KCNJ10: variants seen among roughly 807,000 people sequenced by gnomAD.
The protein encoded by KCNJ10 is ATP-sensitive inward rectifier potassium channel 10.
KCNJ10 carries 9 observed loss-of-function variants against 22.2 expected under a neutral mutation model. The ratio of observed to expected loss-of-function variants is 0.40; its 90% CI spans 0.24 to 0.71. The LOEUF is 0.71. KCNJ10 is among the 30% of genes least tolerant of loss of function. The probability of loss-of-function intolerance (pLI) is 0.35; values close to 1 mark genes in which losing one functional copy is unlikely to be tolerated. For synonymous variants in KCNJ10, 184 were observed against 187.3 expected (o/e 0.98, Z 0.15); for missense variants, 337 against 482.7 (o/e 0.70, Z 2.83).
chr1:160,057,887 G>A (rs1337022195), intron 1 of KCNJ10, among the ~76,000 whole-genome samples: 1 of 152,084 alleles, frequency 6.6e-6, no homozygotes, highest in African/African-American at 2.4e-5. Context: ...GGAAATGAGG[G>A]GAGGCTTGGA....
chr1:160,054,414 C>G (rs1193713648), intron 1 of KCNJ10, among the ~76,000 whole-genome samples: 1 of 152,224 alleles, frequency 6.6e-6, no homozygotes, highest in African/African-American at 2.4e-5. Context: ...AGAAGAACAT[C>G]TACTGGGAGA....
intron 1 of KCNJ10, among the ~76,000 whole-genome samples, chr1:160,053,712 T>A (rs569600977): frequency 1.9e-4 from 29 of 152,068 alleles, no homozygotes; most frequent in East Asian, 5.8e-4. Flanking sequence ...TTCCCTCCCA[T>A]CCTCTAGCCC....
chr1:160,066,258 G>A (rs1348006824), intron 1 of KCNJ10, among the ~76,000 whole-genome samples: 1 of 152,206 alleles, frequency 6.6e-6, no homozygotes, highest in African/African-American at 2.4e-5. Context: ...CAGGGGCTGT[G>A]GGTGTGGAGA....
intron 1 of KCNJ10, among the ~76,000 whole-genome samples, chr1:160,049,720 T>TATATATATAA (rs1201390198): frequency 1.4e-4 from 17 of 122,914 alleles, no homozygotes; most frequent in African/African-American, 5.5e-4. Flanking sequence ...TATATATATA[T>TATATATATAA]GTTATCCTAA....
At chr1:160,055,719 C>T (rs1467057462) in intron 1 of KCNJ10, among the ~76,000 whole-genome samples, 2 of 152,134 alleles carry the variant, frequency 1.3e-5, no homozygotes, top group Non-Finnish European at 1.5e-5. Flanking sequence ...ACCATGTTCT[C>T]GGGGTTCTTT....
Position 160,041,948 on chromosome 1 carries a change from G to T in KCNJ10, c.585C>A (p.Cys195Ter), listed in dbSNP as rs1484203998. 6.2e-7 allele frequency: 1 copy of T among 1,610,504 alleles called. No homozygotes were observed. Among genetic ancestry groups the T allele is most frequent in the Non-Finnish European group, 8.5e-7 (1 of 1,177,516 alleles). Residue 195 changes from cysteine to a stop codon, truncating the protein, a stop_gained, in exon 2 of 2, where the codon TGC becomes TGA. Coordinates refer to ENST00000644903, the MANE Select transcript of KCNJ10 (RefSeq NM_002241.5). LOFTEE classifies it high-confidence loss of function. This position sits in a 1 kb window ranked among gnomAD's most constrained non-coding sequence, Gnocchi z 4.4. ...GCATATTGGCAACTCGGATCATGAGGCAGGGCTTGCCATTGTGGGAGGCCA... is the reference window on the plus strand; with the variant it reads ...GCATATTGGCAACTCGGATCATGAGTCAGGGCTTGCCATTGTGGGAGGCCA... Reference protein sequence around the residue: ...AVVASHNGKPCLMIRVANMRK... With the variant: ...AVVASHNGKP
chr1:160,064,118 G>A (rs1014999553), intron 1 of KCNJ10, among the ~76,000 whole-genome samples: 1 of 152,204 alleles, frequency 6.6e-6, no homozygotes, highest in African/African-American at 2.4e-5. Context: ...GGAAATCAAC[G>A]AGGATATTCA....
At chr1:160,046,145 T>C (rs577612478) in intron 1 of KCNJ10, among the ~76,000 whole-genome samples, 7 of 152,310 alleles carry the variant, frequency 4.6e-5, no homozygotes, top group African/African-American at 1.7e-4. Context: ...GTCCTAGCTT[T>C]GTTTATGTTG....
At chr1:160,059,088 A>G (rs915584980) in intron 1 of KCNJ10, among the ~76,000 whole-genome samples, 1 of 152,200 alleles carries the variant, frequency 6.6e-6, no homozygotes, top group Non-Finnish European at 1.5e-5. Flanking sequence ...CTAGGGGGGC[A>G]ATAGCATTGC....
At position 160,042,519 on chromosome 1, in the gene KCNJ10, G is replaced by A; in HGVS notation, c.14C>T (p.Ala5Val). 6.2e-7 allele frequency: 1 copy of A among 1,613,988 alleles called. No individual in the cohort carries two copies. The highest frequency in any genetic ancestry group is 2.2e-5 in the East Asian group (1 of 44,890). ...AGTGGTCTGACTGTAATACACCTTG[G>A]CAACTGACGTCATCTGGAGGGAGCA... Reference protein sequence around the residue: MTSVAKVYYSQTTQT... With the variant: MTSVVKVYYSQTTQT... Residue 5 changes from alanine (A) to valine (V), a missense_variant, in exon 2 of 2, where the codon GCC becomes GTC. By Grantham distance (64) the Ala-to-Val change is moderately conservative. Coordinates refer to ENST00000644903, the MANE Select transcript of KCNJ10 (RefSeq NM_002241.5).
intron 1 of KCNJ10, among the ~76,000 whole-genome samples, chr1:160,066,371 G>GA (rs1386603358): frequency 2.6e-5 from 4 of 151,950 alleles, no homozygotes; most frequent in African/African-American, 2.4e-5. Context: ...AGGGTGGGAA[G>GA]AAAAAACCTA....
In KCNJ10 at chr1:160,042,147, A is replaced by G; in HGVS notation, c.386T>C (p.Ile129Thr). The G allele has an allele frequency of 6.3e-7, 1 of 1,584,640 alleles. No individual in the cohort carries two copies. Among genetic ancestry groups the G allele is most frequent in the Non-Finnish European group, 8.6e-7 (1 of 1,163,352 alleles). ...ACTGATGTAGCGGAAGCCATAGCCA[A>G]TGGTGGTTTGGGATTCAAGGGAGAA... ...FLFSLESQTT[I>T]GYGFRYISEE... The change falls in exon 2 of 2, where the codon ATT becomes ACT. Residue 129 changes from isoleucine to threonine, a missense_variant. Around this residue, in one of 3 missense-constraint regions of KCNJ10, gnomAD observed 165 missense variants for 281.5 expected, o/e 0.59. Coordinates refer to ENST00000644903, the MANE Select transcript of KCNJ10 (RefSeq NM_002241.5).
In KCNJ10 at chr1:160,042,197, C is replaced by A; in HGVS notation, c.336G>T (p.Val112=). 1.9e-6 allele frequency: 3 copies of A among 1,611,796 alleles called. No individual in the cohort carries two copies. Among genetic ancestry groups the A allele is most frequent in the Non-Finnish European group, 2.5e-6 (3 of 1,178,504 alleles). The stretch of plus-strand genomic sequence containing the variant: ...AGAGGAAGGCTCCAGTGAGTGTGTG[C>A]ACCTGTACCACACAGGGGGTGTGGT... The part of the protein sequence containing the change: ...PANHTPCVVQ[V]HTLTGAFLFS... Residue 112 remains valine, a synonymous_variant, in exon 2 of 2, where the codon GTG becomes GTT. Coordinates refer to ENST00000644903, the MANE Select transcript of KCNJ10 (RefSeq NM_002241.5).
intron 1 of KCNJ10, among the ~76,000 whole-genome samples, chr1:160,050,185 G>A (rs1648866930): frequency 6.6e-6 from 1 of 152,110 alleles, no homozygotes; most frequent in African/African-American, 2.4e-5. Context: ...CCAGGCTGGA[G>A]TGCAGTGGTG....
intron 1 of KCNJ10, among the ~76,000 whole-genome samples, chr1:160,061,355 C>T (rs143920905): frequency 2.0e-5 from 3 of 152,148 alleles, no homozygotes; most frequent in Non-Finnish European, 4.4e-5. Context: ...CCAGGAAGGG[C>T]TAGGAAATAT....
intron 1 of KCNJ10, among the ~76,000 whole-genome samples, chr1:160,045,073 A>C (rs1648711482): frequency 6.6e-6 from 1 of 152,256 alleles, no homozygotes; most frequent in Non-Finnish European, 1.5e-5. Flanking sequence ...AAATCGAAGA[A>C]GTGCAACAGA....
rs373945369 is a variant in KCNJ10, at chr1:160,047,109, C to CT, written c.1-4578dup. ...CCCCGGAAGTTCTTCCTGAAGCTGT[C>CT]TTTTTTTGCCTGTGCACTCATTTAT... On this transcript the variant is annotated intron_variant, in intron 1 of 1. Transcript: ENST00000644903. Among the ~76,000 whole-genome samples, 275 of 152,266 alleles carry CT rather than the reference C, an allele frequency of 1.8e-3. 3 individuals are homozygous for CT. Among genetic ancestry groups the CT allele is most frequent in the African/African-American group, 5.6e-3 (233 of 41,550 alleles).
intron 1 of KCNJ10, among the ~76,000 whole-genome samples, chr1:160,060,460 C>G (rs1377363735): frequency 3.9e-5 from 6 of 151,958 alleles, no homozygotes; most frequent in African/African-American, 1.5e-4. Context: ...AATCCAGTAG[C>G]CAGAGGGGAA....
chr1:160,062,666 GC>G (rs1477809617), intron 1 of KCNJ10: 3 of 152,214 alleles, frequency 2.0e-5, no homozygotes. Context: ...GGGATGCCAA[GC>G]CCCTTGGTCC....
Sources: allele counts gnomAD v4.1 joint callset (sites outside exome capture counted in the v4.1 genomes callset), GRCh38; gene constraint gnomAD v4.1.1; regional missense constraint gnomAD v4.1.1; non-coding constraint Gnocchi (gnomAD v3.1); transcripts MANE v1.5; gene names NCBI Gene and HGNC (gene_info 2026-07-23, HGNC 2026-07-21).